The following RIIAD1 variants were observed in gnomAD, a reference collection of about 807,000 sequenced individuals.
RIIAD1 encodes regulatory subunit of type II PKA R-subunit domain containing 1.
Under a neutral mutation model 13.3 loss-of-function variants are expected in RIIAD1, and 15 were observed. That is an observed-to-expected ratio of 1.13 (90% CI 0.76 to 1.74). The LOEUF (loss-of-function observed/expected upper bound fraction) is 1.74. RIIAD1 is among the 40% of genes most tolerant of loss of function. RIIAD1 has a pLI of 0.00. For synonymous variants in RIIAD1, 50 were observed against 43.3 expected (o/e 1.16, Z -0.61); for missense variants, 121 against 112.2 (o/e 1.08, Z -0.35).
At chr1:151,726,373 T>C (rs868626095) in intron 2 of RIIAD1, among the ~76,000 whole-genome samples, 1 of 152,196 alleles carries the variant, frequency 6.6e-6, no homozygotes, top group African/African-American at 2.4e-5. Flanking sequence ...TATTTTATTT[T>C]GAAAAAAGCA....
exon 4 of RIIAD1, chr1:151,714,487 G>T (rs762094967): frequency 5.0e-6 from 4 of 798,720 alleles, no homozygotes; most frequent in Admixed American, 4.0e-5. Context: ...GGACTTCCTG[G>T]TGATGAGAGG....
chr1:151,722,850 C>T (rs548167359), intron 2 of RIIAD1, among the ~76,000 whole-genome samples: 109 of 152,280 alleles, frequency 7.2e-4, no homozygotes, highest in Non-Finnish European at 1.3e-3. Context: ...TTCTCAGTGC[C>T]CACGCAGTGT....
In RIIAD1 at chr1:151,727,980, C is replaced by T. The variant is rs141168281; in HGVS notation, c.208+359C>T. Among the ~76,000 whole-genome samples the T allele has an allele frequency of 1.1e-3, 166 of 152,290 alleles. 1 individual carries two copies. Among genetic ancestry groups the T allele is most frequent in the African/African-American group, 3.9e-3 (161 of 41,546 alleles). On this transcript the variant is annotated intron_variant, in intron 3 of 4. Coordinates refer to ENST00000479191, the MANE Select transcript of RIIAD1 (RefSeq NM_001144956.3). ...AGAACTACTGATGCTCAGTCCCCAC[C>T]ACCAGAGAGTTTTATTTAATTAGTC...
chr1:151,727,727 A>C, intron 3 of RIIAD1, 106 bp downstream of exon 3: 1 of 765,130 alleles, frequency 1.3e-6, no homozygotes. Context: ...AGTCTGGGGT[A>C]CTCCTTCACC....
intron 2 of RIIAD1, among the ~76,000 whole-genome samples, chr1:151,712,380 G>A (rs1487752643): frequency 6.6e-6 from 1 of 152,162 alleles, no homozygotes; most frequent in African/African-American, 2.4e-5. Flanking sequence ...TAATTCTTTT[G>A]AGGGTACAGC....
chr1:151,721,570 G>A lies in RIIAD1; in HGVS notation c.34G>A (p.Asp12Asn). ...GCTGCCAGGCTTGCTGCAGCGGCCCGACCCCGGGGCGCTTAGCGCAGCGCA... is the reference window on the plus strand; with the variant it reads ...GCTGCCAGGCTTGCTGCAGCGGCCCAACCCCGGGGCGCTTAGCGCAGCGCA... ...ETLPGLLQRP[D>N]PGALSAAQLE... The change falls in exon 1 of 5, where the codon GAC becomes AAC. Residue 12 changes from aspartate (D) to asparagine (N), a missense_variant. Physicochemically the swap from Asp to Asn is conservative, Grantham distance 23. Transcript: ENST00000479191. The A allele has an allele frequency of 7.6e-7, 1 of 1,323,384 alleles. No individual in the cohort carries two copies. Among genetic ancestry groups the A allele is most frequent in the Non-Finnish European group, 9.7e-7 (1 of 1,034,240 alleles). The allele number at this position is 1,323,384 out of a possible 1,614,324, so 82.0% of individuals were successfully genotyped here.
rs1673752309 is a variant in RIIAD1 at position 151,722,284 on chromosome 1, A to G, written c.161+122A>G. The G allele has an allele frequency of 8.7e-6, 6 of 688,614 alleles. No homozygotes were observed. The South Asian group carries it at 1.0e-4, about 12-fold the overall frequency. 42.7% of individuals were successfully genotyped at this position (688,614 alleles called of 1,614,324 possible). On this transcript the variant is annotated intron_variant, in intron 2 of 4. Transcript: ENST00000479191. ...TGTCTATTCATTTACTTTAACCATAAGGATAAATACATACCTTATGACACT... is the reference window on the plus strand; with the variant it reads ...TGTCTATTCATTTACTTTAACCATAGGGATAAATACATACCTTATGACACT...
chr1:151,728,656 C>T lies in RIIAD1; in HGVS notation c.209-110C>T, dbSNP rs113306710. 427 of 705,768 alleles carry T rather than the reference C, an allele frequency of 6.1e-4. 1 individual carries two copies. Among genetic ancestry groups the T allele is most frequent in the Middle Eastern group, 2.9e-3 (10 of 3,420 alleles). 43.7% of individuals were successfully genotyped at this position (705,768 alleles called of 1,614,324 possible). Reference sequence around the variant, plus strand: ...AAGCAGGGCCACCAGTAGTAGCAGTCCTGCGTACCAAGCCATCCTAACTTT... The same window carrying T: ...AAGCAGGGCCACCAGTAGTAGCAGTTCTGCGTACCAAGCCATCCTAACTTT... On this transcript the variant is annotated intron_variant, in intron 3 of 4. Transcript: ENST00000479191.
chr1:151,714,078 C>G (rs902302319), intron 3 of RIIAD1, among the ~76,000 whole-genome samples: 2 of 152,214 alleles, frequency 1.3e-5, no homozygotes, highest in South Asian at 2.1e-4. Flanking sequence ...CTCTGTGGCT[C>G]TGTTCCTGGG....
Position 151,728,794 on chromosome 1 carries a change from C to A in RIIAD1, c.237C>A (p.Asn79Lys), listed in dbSNP as rs1339108544. 2 of 1,544,870 alleles carry A rather than the reference C, an allele frequency of 1.3e-6. No individual in the cohort carries two copies. The highest frequency in any genetic ancestry group is 8.8e-7 in the Non-Finnish European group (1 of 1,140,946). Residue 79 changes from asparagine to lysine, a missense_variant, in exon 4 of 5, where the codon AAC becomes AAA. By Grantham distance (94) the Asn-to-Lys change is moderately conservative. Coordinates refer to ENST00000479191, the MANE Select transcript of RIIAD1 (RefSeq NM_001144956.3). ...ADYFTDPRLP[N>K]KIHMQLIKDK... ...ACTTCACGGATCCAAGACTTCCCAA[C>A]AAGATTCACATGCAGCTAATTAAAG...
chr1:151,725,701 A>G (rs1673818134), intron 2 of RIIAD1, among the ~76,000 whole-genome samples: 1 of 152,104 alleles, frequency 6.6e-6, no homozygotes, highest in African/African-American at 2.4e-5. Context: ...ATTTTACACT[A>G]TGTGCTCTTT....
chr1:151,728,439 G>T, intron 3 of RIIAD1: 2 of 342,876 alleles, frequency 5.8e-6, no homozygotes, highest in South Asian at 8.7e-5. Flanking sequence ...GGCTCTCTGT[G>T]CGTCAGCAGG....
At chr1:151,716,323 A>G (rs1289111048) in intron 4 of RIIAD1, 1 of 376,274 alleles carries the variant, frequency 2.7e-6, no homozygotes, top group Non-Finnish European at 4.9e-6. Flanking sequence ...GAGTATGGCC[A>G]AGACCTGGAG....
intron 2 of RIIAD1, 56 bp downstream of exon 2, chr1:151,722,218 T>G: frequency 9.6e-7 from 1 of 1,037,768 alleles, no homozygotes; most frequent in Non-Finnish European, 1.5e-6. Flanking sequence ...CTTCGTTATC[T>G]CTAGAGGTTT....
intron 4 of RIIAD1, chr1:151,716,453 G>A (rs551109073): frequency 6.6e-6 from 2 of 303,316 alleles, no homozygotes; most frequent in Non-Finnish European, 1.3e-5. Context: ...AGGGGTTAAG[G>A]GGCCTGCTAT....
intron 1 of RIIAD1, 38 bp downstream of exon 1, chr1:151,721,658 G>C: frequency 3.3e-6 from 4 of 1,219,554 alleles, no homozygotes; most frequent in Non-Finnish European, 4.2e-6. Flanking sequence ...GTCCACCAAA[G>C]TGTAGCTGCC....
At chr1:151,714,596 C>G in intron 4 of RIIAD1, 1 of 1,554,450 alleles carries the variant, frequency 6.4e-7, no homozygotes, top group Admixed American at 1.9e-5. Context: ...GGACTCACCC[C>G]TGGAAGCGTC....
At chr1:151,716,738 CCTG>C, upstream of RIIAD1, 1 of 455,390 alleles carries the variant, frequency 2.2e-6, no homozygotes. Flanking sequence ...GCTGGGGCTG[CCTG>C]CTTTCCCGGT....
At chr1:151,723,083 G>C (rs1311531699) in intron 2 of RIIAD1, among the ~76,000 whole-genome samples, 1 of 152,228 alleles carries the variant, frequency 6.6e-6, no homozygotes, top group African/African-American at 2.4e-5. Flanking sequence ...CCAGAGGTGG[G>C]CCCTCCCTTG....
Sources: allele counts gnomAD v4.1 joint callset (sites outside exome capture counted in the v4.1 genomes callset), GRCh38; gene constraint gnomAD v4.1.1; transcripts MANE v1.5; gene names NCBI Gene and HGNC (gene_info 2026-07-23, HGNC 2026-07-21).